CACNA1B: variants seen among roughly 807,000 people sequenced by gnomAD.
CACNA1B encodes calcium voltage-gated channel subunit alpha1 B.
A neutral mutation model predicts 247.2 loss-of-function variants in CACNA1B; 70 were observed. That is an observed-to-expected ratio of 0.28 (90% CI 0.23 to 0.35). The LOEUF is 0.35. CACNA1B is among the 10% of genes least tolerant of loss of function. The probability of loss-of-function intolerance (pLI) is 1.00; values close to 1 mark genes in which losing one functional copy is unlikely to be tolerated. For synonymous variants in CACNA1B, 1,231 were observed against 1,294.4 expected (o/e 0.95, Z 1.05); for missense variants, 2,367 against 3,197.4 (o/e 0.74, Z 6.26).
intron 18 of CACNA1B, 31 bp from the exon 19 acceptor site, chr9:138,022,980 G>T (rs921210053): frequency 1.4e-6 from 2 of 1,456,640 alleles, no homozygotes; most frequent in Non-Finnish European, 1.8e-6. Context: ...GGCGGCAGAC[G>T]GGGCCGCGCT....
At chr9:138,086,922 A>G (rs1367819366) in intron 36 of CACNA1B, among the ~76,000 whole-genome samples, 1 of 151,106 alleles carries the variant, frequency 6.6e-6, no homozygotes, top group East Asian at 2.0e-4. Flanking sequence ...AGGCCACAAA[A>G]CAAGTCTCAA....
intron 3 of CACNA1B, among the ~76,000 whole-genome samples, chr9:137,910,467 T>G (rs367602001): frequency 1.3e-5 from 2 of 152,142 alleles, no homozygotes; most frequent in East Asian, 3.8e-4. Context: ...ACGATTCAAG[T>G]GCGTTATTAC....
rs1961204652 is a variant in CACNA1B, at chr9:138,100,143, A to G, written c.5223-2568A>G. Among the ~76,000 whole-genome samples the G allele has an allele frequency of 2.0e-5, 3 of 152,220 alleles. No homozygotes were observed. Among genetic ancestry groups the G allele is most frequent in the South Asian group, 2.1e-4 (1 of 4,834 alleles). The stretch of plus-strand genomic sequence containing the variant: ...CTTAAAGGAATAGGAAGGATTGAGC[A>G]CTAGAGAAATAGGATGGATTGAGCT... On this transcript the variant is annotated intron_variant, in intron 37 of 46. Coordinates refer to ENST00000371372, the MANE Select transcript of CACNA1B (RefSeq NM_000718.4). This position sits in a 1 kb window ranked among gnomAD's most constrained non-coding sequence, Gnocchi z 4.6.
At chr9:137,933,698 TAAAC>T (rs1319936816) in intron 6 of CACNA1B, among the ~76,000 whole-genome samples, 1 of 152,198 alleles carries the variant, frequency 6.6e-6, no homozygotes, top group Admixed American at 6.5e-5. Flanking sequence ...ATGATGGAGA[TAAAC>T]AAAACCAACA....
intron 10 of CACNA1B, among the ~76,000 whole-genome samples, chr9:137,967,674 C>T (rs1185366711): frequency 1.3e-5 from 2 of 151,872 alleles, no homozygotes; most frequent in Non-Finnish European, 2.9e-5. Flanking sequence ...GAGATCCAGG[C>T]TGCTGTGCCC....
In CACNA1B at chr9:138,054,139, T is replaced by C. The variant is rs2133494984; in HGVS notation, c.3968+133T>C. 2 of 830,332 alleles carry C rather than the reference T, an allele frequency of 2.4e-6. No individual in the cohort carries two copies. Among genetic ancestry groups the C allele is most frequent in the Non-Finnish European group, 2.0e-6 (1 of 512,506 alleles). 51.4% of individuals were successfully genotyped at this position (830,332 alleles called of 1,614,324 possible). A position where few individuals can be genotyped will look rare whatever the true frequency, so the allele number is the denominator to read the frequency against. On this transcript the variant is annotated intron_variant, in intron 26 of 46. Transcript: ENST00000371372. This position sits in a 1 kb window ranked among gnomAD's most constrained non-coding sequence, Gnocchi z 4.6. ...ACTGCAGAGCATCACGGACCCTGCC[T>C]GAGGGCCGAGGAGGGGCTTGCTTGA...
chr9:138,092,694 G>A (rs1444903509), intron 36 of CACNA1B, among the ~76,000 whole-genome samples: 3 of 152,184 alleles, frequency 2.0e-5, no homozygotes, highest in African/African-American at 4.8e-5. Flanking sequence ...TATTGATTGG[G>A]GAAGTGATAA....
intron 36 of CACNA1B, among the ~76,000 whole-genome samples, chr9:138,085,668 C>T (rs933397169): frequency 3.3e-5 from 5 of 151,158 alleles, no homozygotes; most frequent in South Asian, 4.1e-4. Flanking sequence ...CAGAATCCCC[C>T]GTTAGACTGA....
At position 137,979,782 on chromosome 9, in the gene CACNA1B, T is replaced by C. The variant is rs117079312; in HGVS notation, c.1656+3763T>C. Among the ~76,000 whole-genome samples, 149 of 152,350 alleles carry C rather than the reference T, an allele frequency of 9.8e-4. 2 individuals are homozygous for C. The highest frequency in any genetic ancestry group is 9.4e-3 in the East Asian group (49 of 5,188). ...GACTCCTTCGGTGTAGTTCCCTAAGTGCAGTGGCTGCGGTACCTCTTAATC... is the reference window on the plus strand; with the variant it reads ...GACTCCTTCGGTGTAGTTCCCTAAGCGCAGTGGCTGCGGTACCTCTTAATC... On this transcript the variant is annotated intron_variant, in intron 12 of 46. Transcript: ENST00000371372.
At chr9:137,894,302 A>ATTTTTTTTTTTTTTTTTTTTTTTTTTTTT (rs56794355) in intron 3 of CACNA1B, among the ~76,000 whole-genome samples, 2 of 96,074 alleles carry the variant, frequency 2.1e-5, no homozygotes, top group Admixed American at 1.1e-4. Flanking sequence ...TTGTCTCTGT[A>ATTTTTTTTTTTTTTTTTTTTTTTTTTTTT]TTTTTTTTTT....
At position 138,051,817 on chromosome 9, in the gene CACNA1B, G is replaced by T. The variant is rs1292994770; in HGVS notation, c.3711-275G>T. On this transcript the variant is annotated intron_variant, in intron 24 of 46. Coordinates refer to ENST00000371372, the MANE Select transcript of CACNA1B (RefSeq NM_000718.4). The surrounding 1 kb of genome is among the most constrained non-coding windows in gnomAD (Gnocchi z 4.3). The stretch of plus-strand genomic sequence containing the variant: ...AATCCTGGAATCTGGGGTGGGAGGG[G>T]TGTCAGGGGTGATGGTTCTTCTCCT... 3.3e-5 allele frequency among the ~76,000 whole-genome samples: 5 copies of T among 152,172 alleles called. No individual in the cohort carries two copies. The East Asian group carries it at 9.6e-4, about 29-fold the overall frequency.
At chr9:137,884,793 G>T (rs1364903203) in intron 3 of CACNA1B, among the ~76,000 whole-genome samples, 2 of 152,012 alleles carry the variant, frequency 1.3e-5, no homozygotes, top group African/African-American at 4.8e-5. Flanking sequence ...GGAGGCAGGA[G>T]GAGTTGCACC....
At chr9:138,076,369 G>A (rs1056547850) in intron 35 of CACNA1B, among the ~76,000 whole-genome samples, 2 of 152,236 alleles carry the variant, frequency 1.3e-5, no homozygotes, top group Non-Finnish European at 1.5e-5. Flanking sequence ...GAACTGACCA[G>A]CAGAGTTTGT....
intron 6 of CACNA1B, among the ~76,000 whole-genome samples, chr9:137,920,870 C>T (rs532839393): frequency 2.0e-4 from 31 of 152,318 alleles, no homozygotes; most frequent in African/African-American, 7.0e-4. Flanking sequence ...ATGCCATTTA[C>T]TAAGAAAGGG....
At chr9:138,079,924 C>T (rs1478604784) in intron 36 of CACNA1B, among the ~76,000 whole-genome samples, 1 of 151,596 alleles carries the variant, frequency 6.6e-6, no homozygotes, top group Non-Finnish European at 1.5e-5. Flanking sequence ...AGGCAGAGGC[C>T]GTTAGCACCC....
chr9:138,113,993 C>T (rs796935921), intron 40 of CACNA1B, among the ~76,000 whole-genome samples: 10 of 138,344 alleles, frequency 7.2e-5, no homozygotes, highest in Admixed American at 1.4e-4. Flanking sequence ...CGTGAGGGAG[C>T]GCAGGAAGGT....
intron 20 of CACNA1B, among the ~76,000 whole-genome samples, chr9:138,035,564 T>C (rs914580639): frequency 6.6e-6 from 1 of 152,208 alleles, no homozygotes; most frequent in African/African-American, 2.4e-5. Context: ...TGGCCACTTT[T>C]ATATTTCTGA....
chr9:138,069,702 C>T, intron 31 of CACNA1B, 56 bp from the exon 32 acceptor site: 1 of 1,473,630 alleles, frequency 6.8e-7, no homozygotes, highest in Non-Finnish European at 9.5e-7. Flanking sequence ...GCTGCTCAAA[C>T]CTCCCCAATT....
chr9:137,929,932 G>A (rs536771094), intron 6 of CACNA1B, among the ~76,000 whole-genome samples: 11 of 152,172 alleles, frequency 7.2e-5, no homozygotes, highest in African/African-American at 2.6e-4. Context: ...AGGACCACAC[G>A]CGCATGCTAC....
Sources: gnomAD v4.1 joint callset for allele counts (sites outside exome capture counted in the v4.1 genomes callset) on GRCh38, gnomAD v4.1.1 for gene constraint, Gnocchi (gnomAD v3.1) non-coding constraint, MANE v1.5 for transcripts, NCBI Gene and HGNC (gene_info 2026-07-23, HGNC 2026-07-21) for gene names.